The following BMAL2 variants were observed in gnomAD, a reference collection of about 807,000 sequenced individuals.
The protein encoded by BMAL2 is basic helix-loop-helix ARNT-like protein 2.
the BMAL2 span, among the ~76,000 whole-genome samples, chr12:27,381,942 TGC>T: frequency 2.0e-5 from 3 of 152,116 alleles, no homozygotes; most frequent in Admixed American, 6.5e-5. Context: ...TCTCAAACAC[TGC>T]CAGGAAAAGG....
the BMAL2 span, among the ~76,000 whole-genome samples, chr12:27,399,540 A>G: frequency 2.0e-5 from 3 of 152,214 alleles, no homozygotes. Context: ...AGCACTTTAA[A>G]CAGACTGTGA....
chr12:27,391,124 T>A, the BMAL2 span, among the ~76,000 whole-genome samples: 1 of 152,192 alleles, frequency 6.6e-6, no homozygotes, highest in Non-Finnish European at 1.5e-5. Context: ...GTTTGTTTCA[T>A]GGGTATATTG....
the BMAL2 span, among the ~76,000 whole-genome samples, chr12:27,365,032 A>T: frequency 6.6e-6 from 1 of 152,068 alleles, no homozygotes; most frequent in Admixed American, 6.6e-5. Flanking sequence ...TATGTTGATT[A>T]TTTTGGATTT....
chr12:27,420,620 G>T, the BMAL2 span: 1 of 1,346,144 alleles, frequency 7.4e-7, no homozygotes. Context: ...GTACTGTATT[G>T]ATATTGTTTG....
At chr12:27,354,686 A>G in the BMAL2 span, among the ~76,000 whole-genome samples, 4 of 152,236 alleles carry the variant, frequency 2.6e-5, no homozygotes, top group Non-Finnish European at 4.4e-5. Context: ...ATGAAACATA[A>G]GTGACTTCCA....
At chr12:27,379,885 ATGC>A in the BMAL2 span, among the ~76,000 whole-genome samples, 1 of 152,136 alleles carries the variant, frequency 6.6e-6, no homozygotes, top group African/African-American at 2.4e-5. Context: ...TGAGGTTAAG[ATGC>A]TGACAACTAT....
At chr12:27,346,205 A>G in the BMAL2 span, among the ~76,000 whole-genome samples, 2 of 146,994 alleles carry the variant, frequency 1.4e-5, no homozygotes, top group Non-Finnish European at 3.0e-5. Flanking sequence ...TTACCTTCTT[A>G]CTTATTCCCA....
the BMAL2 span, among the ~76,000 whole-genome samples, chr12:27,404,085 G>A: frequency 1.3e-5 from 2 of 151,364 alleles, no homozygotes; most frequent in Admixed American, 1.3e-4. Flanking sequence ...TCACTAGAGT[G>A]GGGTGGAGGG....
the BMAL2 span, among the ~76,000 whole-genome samples, chr12:27,335,930 C>G: frequency 7.2e-5 from 11 of 152,144 alleles, no homozygotes; most frequent in Admixed American, 7.2e-4. Context: ...ACAGTGATTT[C>G]AGTTTACTTT....
chr12:27,389,103 A>G, the BMAL2 span: 1 of 966,726 alleles, frequency 1.0e-6, no homozygotes, highest in Non-Finnish European at 1.6e-6. Flanking sequence ...ATCAAAAAAG[A>G]ACATTTATTG....
At chr12:27,336,766 C>T in the BMAL2 span, among the ~76,000 whole-genome samples, 62 of 152,134 alleles carry the variant, frequency 4.1e-4, no homozygotes, top group African/African-American at 1.4e-3. Flanking sequence ...GCCTGGCCAA[C>T]ATGGTGAAAC....
chr12:27,341,538 T>G, the BMAL2 span, among the ~76,000 whole-genome samples: 1 of 152,228 alleles, frequency 6.6e-6, no homozygotes, highest in Non-Finnish European at 1.5e-5. Flanking sequence ...TCTCTTTAAA[T>G]ATACTTCACA....
the BMAL2 span, among the ~76,000 whole-genome samples, chr12:27,362,721 T>G: frequency 1.2e-4 from 18 of 152,356 alleles, no homozygotes; most frequent in Admixed American, 9.8e-4. Flanking sequence ...TTTAGTTTAC[T>G]TGTTTTTGAA....
At chr12:27,360,813 A>AAAAAAAAAAAAAAAAAAAAC in the BMAL2 span, among the ~76,000 whole-genome samples, 1 of 148,932 alleles carries the variant, frequency 6.7e-6, no homozygotes, top group Non-Finnish European at 1.5e-5. Flanking sequence ...CAAAAAAAAA[A>AAAAAAAAAAAAAAAAAAAAC]AAAAAAAAAA....
At chr12:27,364,621 T>C in the BMAL2 span, among the ~76,000 whole-genome samples, 2 of 152,140 alleles carry the variant, frequency 1.3e-5, no homozygotes, top group Admixed American at 1.3e-4. Flanking sequence ...TTTGCTTGGT[T>C]ATTCATGACC....
chr12:27,422,050 G>C, the BMAL2 span: 1 of 152,220 alleles, frequency 6.6e-6, no homozygotes, highest in African/African-American at 2.4e-5. Context: ...AAAATTTGGA[G>C]AGCATTTTTA....
At chr12:27,400,754 A>G in the BMAL2 span, 4 of 1,611,040 alleles carry the variant, frequency 2.5e-6, no homozygotes, top group Admixed American at 6.7e-5. Context: ...TGAATGGAAA[A>G]TTTGTCTATG....
chr12:27,339,753 C>T, the BMAL2 span, among the ~76,000 whole-genome samples: 6 of 152,192 alleles, frequency 3.9e-5, no homozygotes, highest in African/African-American at 1.4e-4. Context: ...GCCTCCCCAG[C>T]AGCTGGAACT....
At chr12:27,342,845 T>C in the BMAL2 span, among the ~76,000 whole-genome samples, 2 of 152,254 alleles carry the variant, frequency 1.3e-5, no homozygotes, top group African/African-American at 4.8e-5. Context: ...ATGGTGCTAG[T>C]GGCTTCTTTA....
Sources: allele counts gnomAD v4.1 joint callset (sites outside exome capture counted in the v4.1 genomes callset), GRCh38; gene constraint gnomAD v4.1.1; transcripts MANE v1.5; gene names NCBI Gene and HGNC (gene_info 2026-07-23, HGNC 2026-07-21).